The following SLC9A9 variants were observed in gnomAD, a reference collection of about 807,000 sequenced individuals.
SLC9A9 encodes solute carrier family 9 member A9.
In SLC9A9, 62 loss-of-function variants were observed where a neutral mutation model predicts 77.8. That is an observed-to-expected ratio of 0.80 (90% CI 0.65 to 0.98). The LOEUF is 0.98. SLC9A9 is among the 50% of genes least tolerant of loss of function. The probability of loss-of-function intolerance (pLI) is 0.00; values close to 1 mark genes in which losing one functional copy is unlikely to be tolerated. For missense variants in SLC9A9, 775 were observed against 774.9 expected, an observed-to-expected ratio of 1.00 and a Z score of 0.00; for synonymous variants, 320 against 283.5, an observed-to-expected ratio of 1.13 and a Z score of -1.29.
At chr3:143,437,021 G>A (rs2034632993) in intron 12 of SLC9A9, among the ~76,000 whole-genome samples, 1 of 152,212 alleles carries the variant, frequency 6.6e-6, no homozygotes, top group Non-Finnish European at 1.5e-5. Context: ...TTCATGTAAA[G>A]CTCTTATTGG....
chr3:143,625,350 C>G (rs2038302265), intron 6 of SLC9A9, among the ~76,000 whole-genome samples: 1 of 152,182 alleles, frequency 6.6e-6, no homozygotes, highest in Non-Finnish European at 1.5e-5. Context: ...CATCATGCTA[C>G]CTGACTTCAA....
intron 4 of SLC9A9, among the ~76,000 whole-genome samples, chr3:143,728,824 G>A (rs1041985543): frequency 6.6e-6 from 1 of 152,000 alleles, no homozygotes; most frequent in Non-Finnish European, 1.5e-5. Context: ...GAAACAACAA[G>A]TATGACCCTC....
intron 14 of SLC9A9, among the ~76,000 whole-genome samples, chr3:143,317,852 C>G (rs961276413): frequency 6.6e-6 from 1 of 152,248 alleles, no homozygotes; most frequent in East Asian, 1.9e-4. Flanking sequence ...TTCAGCCTCC[C>G]GAGTAGCTGA....
chr3:143,532,439 A>G (rs1447691834), intron 9 of SLC9A9, among the ~76,000 whole-genome samples: 1 of 152,234 alleles, frequency 6.6e-6, no homozygotes, highest in East Asian at 1.9e-4. Context: ...ACTACCAATT[A>G]TAGTATAATC....
At chr3:143,524,718 A>G (rs1252050420) in intron 9 of SLC9A9, among the ~76,000 whole-genome samples, 1 of 152,208 alleles carries the variant, frequency 6.6e-6, no homozygotes, top group East Asian at 1.9e-4. Flanking sequence ...ACTAAAACTT[A>G]TGTTGAGACT....
intron 14 of SLC9A9, among the ~76,000 whole-genome samples, chr3:143,319,053 T>C (rs766397745): frequency 6.6e-6 from 1 of 152,212 alleles, no homozygotes; most frequent in Non-Finnish European, 1.5e-5. Flanking sequence ...AACCAACTAC[T>C]ATGTAAAGAT....
intron 6 of SLC9A9, among the ~76,000 whole-genome samples, chr3:143,613,820 C>G (rs1331076569): frequency 2.0e-5 from 3 of 151,562 alleles, no homozygotes; most frequent in African/African-American, 7.3e-5. Flanking sequence ...ATTATTCTTT[C>G]TACTGCTAAA....
chr3:143,733,622 T>C (rs1934864635), intron 4 of SLC9A9, among the ~76,000 whole-genome samples: 1 of 151,972 alleles, frequency 6.6e-6, no homozygotes, highest in Admixed American at 6.6e-5. Context: ...ACTTTTCCCA[T>C]ACACCCTGGT....
chr3:143,806,746 C>G (rs2008727691), intron 2 of SLC9A9, among the ~76,000 whole-genome samples: 1 of 139,138 alleles, frequency 7.2e-6, no homozygotes, highest in African/African-American at 2.6e-5. Flanking sequence ...GTGGGGGGGG[C>G]AAGTGGGGAT....
chr3:143,356,420 C>CA (rs1424626396), intron 14 of SLC9A9, among the ~76,000 whole-genome samples: 1 of 152,132 alleles, frequency 6.6e-6, no homozygotes, highest in African/African-American at 2.4e-5. Context: ...GTTACCTGAA[C>CA]AAAAGACTGC....
At chr3:143,826,151 T>A (rs2009291212) in intron 2 of SLC9A9, among the ~76,000 whole-genome samples, 1 of 151,480 alleles carries the variant, frequency 6.6e-6, no homozygotes, top group Admixed American at 6.6e-5. Flanking sequence ...CCCAGCTACT[T>A]GGGAGGCTAG....
intron 2 of SLC9A9, among the ~76,000 whole-genome samples, chr3:143,815,345 G>A (rs1213824349): frequency 1.3e-5 from 2 of 152,164 alleles, no homozygotes; most frequent in African/African-American, 2.4e-5. Flanking sequence ...CAGACTAACA[G>A]CTTAGTGCCA....
intron 1 of SLC9A9, among the ~76,000 whole-genome samples, chr3:143,843,083 T>C (rs2009746335): frequency 6.6e-6 from 1 of 151,856 alleles, no homozygotes; most frequent in Non-Finnish European, 1.5e-5. Context: ...GAAACTTAAA[T>C]CTCCAGGGGA....
At chr3:143,508,998 G>T (rs1033056921) in intron 9 of SLC9A9, among the ~76,000 whole-genome samples, 1 of 152,068 alleles carries the variant, frequency 6.6e-6, no homozygotes, top group Admixed American at 6.5e-5. Flanking sequence ...AACTAACAAA[G>T]AAAATAAAAA....
chr3:143,267,002 T>TTC, intron 15 of SLC9A9, 73 bp from the exon 16 acceptor site: 1 of 1,482,538 alleles, frequency 6.7e-7, no homozygotes, highest in African/African-American at 1.4e-5. Context: ...ACAATTTTTT[T>TTC]TTTTTTTTAA....
chr3:143,677,808 T>A (rs1932929928), intron 5 of SLC9A9, among the ~76,000 whole-genome samples: 1 of 150,520 alleles, frequency 6.6e-6, no homozygotes, highest in Non-Finnish European at 1.5e-5. Flanking sequence ...TGTCTATGAA[T>A]TGCCTCTTCA....
chr3:143,370,626 C>T (rs140117217), intron 13 of SLC9A9, among the ~76,000 whole-genome samples: 2 of 149,626 alleles, frequency 1.3e-5, no homozygotes, highest in Admixed American at 6.7e-5. Flanking sequence ...TTTCCTGGAA[C>T]AAGAAGATCC....
chr3:143,749,138 T>G lies in SLC9A9; in HGVS notation c.533+45863A>C, dbSNP rs374800585. Among the ~76,000 whole-genome samples, 9 of 152,314 alleles carry G rather than the reference T, an allele frequency of 5.9e-5. No individual in the cohort carries two copies. The East Asian group carries it at 7.7e-4, about 13-fold the overall frequency. ...GCATGTTTGAAACATTATAAACACATGGTTTATATATTTGCATAATATTTT... is the reference window on the plus strand; with the variant it reads ...GCATGTTTGAAACATTATAAACACAGGGTTTATATATTTGCATAATATTTT... On this transcript the variant is annotated intron_variant, in intron 4 of 15. Transcript: ENST00000316549.
At chr3:143,358,082 G>A (rs572164076) in intron 14 of SLC9A9, among the ~76,000 whole-genome samples, 2 of 148,596 alleles carry the variant, frequency 1.3e-5, no homozygotes, top group Non-Finnish European at 3.0e-5. Context: ...TATTAAATAC[G>A]TGGTTTCCAA....
Sources: gnomAD v4.1 joint callset for allele counts (sites outside exome capture counted in the v4.1 genomes callset) on GRCh38, gnomAD v4.1.1 for gene constraint, MANE v1.5 for transcripts, NCBI Gene and HGNC (gene_info 2026-07-23, HGNC 2026-07-21) for gene names.